Variants in CHTF8 observed in about 807,000 individuals in gnomAD.
CHTF8 encodes chromosome transmission fidelity protein 8 homolog.
Under a neutral mutation model 11.0 loss-of-function variants are expected in CHTF8, and 6 were observed. That is an observed-to-expected ratio of 0.55 (90% CI 0.30 to 1.08). The LOEUF is 1.08. Ranked by LOEUF, CHTF8 falls within the 50% of genes least tolerant of loss-of-function variation. The pLI is 0.07. For synonymous variants in CHTF8, 53 were observed against 60.5 expected (o/e 0.88, Z 0.57); for missense variants, 140 against 153.1 (o/e 0.91, Z 0.45).
At chr16:69,131,496 C>A (rs1200901541) in intron 1 of CHTF8, 1 of 136,654 alleles carries the variant, frequency 7.3e-6, no homozygotes, top group Non-Finnish European at 1.6e-5. Flanking sequence ...CCACCCCCAT[C>A]TTCTCCACCC....
At position 69,118,690 on chromosome 16, in the gene CHTF8, C is replaced by A. The variant is rs1283965863; in HGVS notation, c.*1735G>T. Reference sequence around the variant, plus strand: ...TTCACATGCCACAAATAACATCTCACCTTCAGTCAAGAAAAACGCAAAGGA... The same window carrying A: ...TTCACATGCCACAAATAACATCTCAACTTCAGTCAAGAAAAACGCAAAGGA... On this transcript the variant is annotated 3_prime_UTR_variant, in exon 4 of 4. Coordinates refer to ENST00000448552, the MANE Select transcript of CHTF8 (RefSeq NM_001039690.5). 5 of 662,464 alleles carry A rather than the reference C, an allele frequency of 7.5e-6. No individual in the cohort carries two copies. The highest frequency in any genetic ancestry group is 1.1e-5 in the Non-Finnish European group (4 of 367,086). 41.0% of individuals were successfully genotyped at this position (662,464 alleles called of 1,614,324 possible).
intron 1 of CHTF8, among the ~76,000 whole-genome samples, chr16:69,123,125 T>G (rs1961805234): frequency 6.6e-6 from 1 of 152,088 alleles, no homozygotes; most frequent in Non-Finnish European, 1.5e-5. Context: ...AGCAAAATCA[T>G]AGCTCACTGA....
At chr16:69,124,132 T>C (rs1187250092) in intron 1 of CHTF8, among the ~76,000 whole-genome samples, 5 of 151,648 alleles carry the variant, frequency 3.3e-5, no homozygotes. Context: ...AAGGATAATA[T>C]GCTTTCATTT....
At position 69,121,496 on chromosome 16, in the gene CHTF8, GTA is replaced by G. The variant is rs779733020; in HGVS notation, c.-35-5_-35-4del. 6.4e-7 allele frequency: 1 copy of G among 1,570,358 alleles called. No individual in the cohort carries two copies. Among genetic ancestry groups the G allele is most frequent in the Non-Finnish European group, 8.6e-7 (1 of 1,156,360 alleles). ...TTTAAAAAGCAAGTGAAAACAAGCT[GTA>G]GAGAGAAAAAAAGAGATTTAGGGTA... On this transcript the variant is annotated splice_region_variant and splice_polypyrimidine_tract_variant and intron_variant, in intron 1 of 3. Transcript: ENST00000448552.
chr16:69,130,642 G>T (rs1962430842), intron 1 of CHTF8, among the ~76,000 whole-genome samples: 1 of 152,326 alleles, frequency 6.6e-6, no homozygotes, highest in South Asian at 2.1e-4. Context: ...GCTGTTGCAA[G>T]AACGAGTAAT....
chr16:69,120,017 C>G lies in CHTF8; in HGVS notation c.*408G>C. On this transcript the variant is annotated 3_prime_UTR_variant, in exon 4 of 4. Coordinates refer to ENST00000448552, the MANE Select transcript of CHTF8 (RefSeq NM_001039690.5). The surrounding 1 kb of genome is among the most constrained non-coding windows in gnomAD (Gnocchi z 4.0). ...CTGGGGTTAGACAGAGGCCCTGGGC[C>G]TGGCAGAGCCCCTGTCCTAGGGTTT... 1 of 690,898 alleles carries G rather than the reference C, an allele frequency of 1.4e-6. No homozygotes were observed. Among genetic ancestry groups the G allele is most frequent in the Non-Finnish European group, 2.6e-6 (1 of 378,272 alleles). The allele number at this position is 690,898 out of a possible 1,614,324, so 42.8% of individuals were successfully genotyped here.
chr16:69,132,437 G>T, intron 1 of CHTF8, 47 bp downstream of exon 1: 1 of 171,916 alleles, frequency 5.8e-6, no homozygotes, highest in South Asian at 1.3e-4. Context: ...ATCCCGGCTC[G>T]GCCCTCGCTC....
intron 1 of CHTF8, among the ~76,000 whole-genome samples, chr16:69,124,104 A>G (rs902187823): frequency 6.6e-6 from 1 of 151,126 alleles, no homozygotes; most frequent in African/African-American, 2.5e-5. Context: ...ACTCTGTCTC[A>G]AAGGGGAAAA....
chr16:69,121,870 CA>C lies in CHTF8; in HGVS notation c.-35-378del, dbSNP rs536105492. On this transcript the variant is annotated intron_variant, in intron 1 of 3. Coordinates refer to ENST00000448552, the MANE Select transcript of CHTF8 (RefSeq NM_001039690.5). ...ATTTTTAGTAGAGATGGGGTTTCAC[CA>C]TGTTAGCCAGGATGGTCTCGATCTC... Among the ~76,000 whole-genome samples the C allele has an allele frequency of 1.1e-4, 17 of 152,260 alleles. No individual in the cohort carries two copies. The South Asian group carries it at 2.5e-3, about 22-fold the overall frequency.
chr16:69,127,572 G>A (rs990322401), intron 1 of CHTF8, among the ~76,000 whole-genome samples: 1 of 147,656 alleles, frequency 6.8e-6, no homozygotes, highest in African/African-American at 2.5e-5. Context: ...GAAACTAAAA[G>A]AGAGTCAGTG....
chr16:69,128,087 G>C (rs913998536), intron 1 of CHTF8, among the ~76,000 whole-genome samples: 1 of 151,882 alleles, frequency 6.6e-6, no homozygotes, highest in African/African-American at 2.4e-5. Flanking sequence ...GCTGATTTTT[G>C]TATTTTTAGT....
At chr16:69,127,170 G>A (rs1211964596) in intron 1 of CHTF8, among the ~76,000 whole-genome samples, 2 of 151,628 alleles carry the variant, frequency 1.3e-5, no homozygotes, top group African/African-American at 2.4e-5. Context: ...CCTGGGAGGC[G>A]GAGGCTGCAG....
intron 1 of CHTF8, among the ~76,000 whole-genome samples, chr16:69,129,913 T>C (rs1962372069): frequency 6.6e-6 from 1 of 152,216 alleles, no homozygotes; most frequent in Admixed American, 6.5e-5. Flanking sequence ...CATACCCAAT[T>C]GAGATGTTTC....
In CHTF8 at chr16:69,120,373, G is replaced by T; in HGVS notation, c.*52C>A. The stretch of plus-strand genomic sequence containing the variant: ...GTCGAGCCGTCCTCGAGGTGGCAGC[G>T]GAGCACGAGTCCAAGGAGTTGGCCG... On this transcript the variant is annotated 3_prime_UTR_variant, in exon 4 of 4. Transcript: ENST00000448552. This position sits in a 1 kb window ranked among gnomAD's most constrained non-coding sequence, Gnocchi z 4.0. 1.3e-6 allele frequency: 2 copies of T among 1,573,212 alleles called. No homozygotes were observed. The highest frequency in any genetic ancestry group is 2.2e-5 in the East Asian group (1 of 44,654).
chr16:69,125,946 T>C (rs1962030468), intron 1 of CHTF8, among the ~76,000 whole-genome samples: 1 of 152,194 alleles, frequency 6.6e-6, no homozygotes, highest in Non-Finnish European at 1.5e-5. Flanking sequence ...TCTATTGAGA[T>C]GAACTAAGTT....
Position 69,118,360 on chromosome 16 carries a change from A to G in CHTF8, c.*2065T>C. 6.2e-7 allele frequency: 1 copy of G among 1,601,360 alleles called. No individual in the cohort carries two copies. Among genetic ancestry groups the G allele is most frequent in the Non-Finnish European group, 8.6e-7 (1 of 1,168,522 alleles). On this transcript the variant is annotated 3_prime_UTR_variant, in exon 4 of 4. Transcript: ENST00000448552. ...CTCCCTGTTCTGTGTTCAAGCCCCC[A>G]GGGAAAGGTATGGCAGTAGAGGATG...
At position 69,118,702 on chromosome 16, in the gene CHTF8, A is replaced by G; in HGVS notation, c.*1723T>C. On this transcript the variant is annotated 3_prime_UTR_variant, in exon 4 of 4. Transcript: ENST00000448552. ...AAATAACATCTCACCTTCAGTCAAG[A>G]AAAACGCAAAGGAAAAAGATGGCTC... is the stretch of plus-strand genomic sequence containing the variant. 1.5e-6 allele frequency: 1 copy of G among 654,150 alleles called. No homozygotes were observed. The highest frequency in any genetic ancestry group is 2.8e-6 in the Non-Finnish European group (1 of 363,546). 40.5% of individuals were successfully genotyped at this position (654,150 alleles called of 1,614,324 possible). A position where few individuals can be genotyped will look rare whatever the true frequency, so the allele number is the denominator to read the frequency against.
intron 1 of CHTF8, among the ~76,000 whole-genome samples, chr16:69,122,623 C>T (rs1293944091): frequency 6.6e-6 from 1 of 151,762 alleles, no homozygotes; most frequent in Non-Finnish European, 1.5e-5. Flanking sequence ...TCACTGCAAC[C>T]TCTGCCTTCC....
In CHTF8 at chr16:69,118,133, A is replaced by AAT; in HGVS notation, c.*2291_*2292insAT. ...TTTCTTCCCTTCATCCCCCACCCCC[A>AAT]CCCTAATTCCCATATTCCCATCCAC... On this transcript the variant is annotated 3_prime_UTR_variant, in exon 4 of 4. Transcript: ENST00000448552. 1 of 148,008 alleles carries AAT rather than the reference A, an allele frequency of 6.8e-6. No homozygotes were observed. The highest frequency in any genetic ancestry group is 1.3e-5 in the Non-Finnish European group (1 of 75,088). 9.2% of individuals were successfully genotyped at this position (148,008 alleles called of 1,614,324 possible).
Sources: gnomAD v4.1 joint callset for allele counts (sites outside exome capture counted in the v4.1 genomes callset) on GRCh38, gnomAD v4.1.1 for gene constraint, Gnocchi (gnomAD v3.1) non-coding constraint, MANE v1.5 for transcripts, NCBI Gene and HGNC (gene_info 2026-07-23, HGNC 2026-07-21) for gene names.